Variants in WDR7 observed in about 807,000 individuals in gnomAD.
WDR7 encodes WD repeat-containing protein 7.
Under a neutral mutation model 169.4 loss-of-function variants are expected in WDR7, and 46 were observed. The ratio of observed to expected loss-of-function variants is 0.27; its 90% CI spans 0.21 to 0.35. The LOEUF (loss-of-function observed/expected upper bound fraction) is 0.35. Ranked by LOEUF, WDR7 falls within the 10% of genes least tolerant of loss-of-function variation. The pLI is 1.00. For synonymous variants in WDR7, 612 were observed against 666.8 expected (o/e 0.92, Z 1.27); for missense variants, 1,534 against 1,859.3 (o/e 0.83, Z 3.22).
intron 25 of WDR7, among the ~76,000 whole-genome samples, chr18:56,955,607 C>G (rs1338131762): frequency 1.3e-5 from 2 of 152,026 alleles, no homozygotes; most frequent in African/African-American, 4.8e-5. Flanking sequence ...AGCAAATTAA[C>G]TACATCTTAT....
intron 20 of WDR7, among the ~76,000 whole-genome samples, chr18:56,855,019 A>G (rs1002658577): frequency 6.6e-6 from 1 of 152,204 alleles, no homozygotes; most frequent in African/African-American, 2.4e-5. Context: ...GGGTATGCAA[A>G]TGATTAACTT....
intron 26 of WDR7, among the ~76,000 whole-genome samples, chr18:56,965,373 T>C (rs2047394400): frequency 6.6e-6 from 1 of 151,858 alleles, no homozygotes; most frequent in South Asian, 2.1e-4. Context: ...CATTGTGAGA[T>C]TGGTTGGTAA....
At chr18:57,017,892 C>T (rs2048229531) in intron 26 of WDR7, among the ~76,000 whole-genome samples, 1 of 152,134 alleles carries the variant, frequency 6.6e-6, no homozygotes, top group Admixed American at 6.5e-5. Context: ...TAGAAGTACC[C>T]TTCACGTGGA....
chr18:56,706,618 A>C (rs2025961171), intron 12 of WDR7, among the ~76,000 whole-genome samples: 2 of 152,204 alleles, frequency 1.3e-5, no homozygotes, highest in African/African-American at 2.4e-5. Flanking sequence ...TGGATGATAA[A>C]TGCCTAAATC....
intron 16 of WDR7, among the ~76,000 whole-genome samples, chr18:56,774,148 C>T (rs565712398): frequency 2.6e-4 from 39 of 151,980 alleles, no homozygotes; most frequent in South Asian, 6.3e-4. Context: ...ATGGAGCACC[C>T]GAAGTATGTT....
At chr18:56,662,069 T>C (rs531967256) in intron 1 of WDR7, among the ~76,000 whole-genome samples, 2 of 152,370 alleles carry the variant, frequency 1.3e-5, no homozygotes, top group South Asian at 4.1e-4. Context: ...GTTTAGGGTT[T>C]AGTACTTGCT....
chr18:56,740,728 T>C (rs1248812344), intron 14 of WDR7, among the ~76,000 whole-genome samples: 1 of 152,154 alleles, frequency 6.6e-6, no homozygotes, highest in Middle Eastern at 3.2e-3. Flanking sequence ...GAGTCCTGAA[T>C]CCTACTTCTT....
intron 21 of WDR7, among the ~76,000 whole-genome samples, chr18:56,887,476 G>A (rs983304287): frequency 3.3e-5 from 5 of 152,138 alleles, no homozygotes; most frequent in African/African-American, 1.2e-4. Context: ...GCGATTTTGG[G>A]AAGTTTCTAG....
chr18:56,928,303 A>G (rs2046834729), intron 22 of WDR7, among the ~76,000 whole-genome samples: 1 of 151,950 alleles, frequency 6.6e-6, no homozygotes, highest in South Asian at 2.1e-4. Context: ...GTCTCTACAA[A>G]CAAAAATAAT....
At chr18:56,900,185 ATAGAG>A (rs1338361415) in intron 21 of WDR7, among the ~76,000 whole-genome samples, 1 of 151,576 alleles carries the variant, frequency 6.6e-6, no homozygotes, top group Non-Finnish European at 1.5e-5. Context: ...CTTGTCATCT[ATAGAG>A]TAGACGGGCT....
At chr18:57,003,140 G>A (rs1219228014) in intron 26 of WDR7, among the ~76,000 whole-genome samples, 1 of 152,100 alleles carries the variant, frequency 6.6e-6, no homozygotes, top group Non-Finnish European at 1.5e-5. Context: ...AGATGCATTA[G>A]TATAGATTTA....
intron 12 of WDR7, among the ~76,000 whole-genome samples, chr18:56,698,469 G>GCA: frequency 6.6e-6 from 1 of 151,948 alleles, no homozygotes; most frequent in Non-Finnish European, 1.5e-5. Context: ...AGCTGGGCAT[G>GCA]GTGGCAGGCG....
intron 21 of WDR7, among the ~76,000 whole-genome samples, chr18:56,901,416 G>C (rs2046399950): frequency 6.6e-6 from 1 of 152,032 alleles, no homozygotes. Flanking sequence ...TTGAAAACCA[G>C]GCCATGCCTC....
At chr18:56,936,125 C>T in intron 23 of WDR7, 2 of 463,818 alleles carry the variant, frequency 4.3e-6, no homozygotes, top group Non-Finnish European at 7.5e-6. Context: ...CATTTCTGTT[C>T]TCAAAGTTAA....
intron 19 of WDR7, among the ~76,000 whole-genome samples, chr18:56,807,987 C>A (rs754888142): frequency 4.3e-4 from 65 of 152,266 alleles, no homozygotes; most frequent in Non-Finnish European, 7.2e-4. Context: ...GATACTGTGT[C>A]TTTAATGGAA....
At chr18:56,966,347 A>G (rs2145786428) in intron 26 of WDR7, among the ~76,000 whole-genome samples, 1 of 152,026 alleles carries the variant, frequency 6.6e-6, no homozygotes, top group South Asian at 2.1e-4. Flanking sequence ...CACCCCTGAG[A>G]CAGCAAGACC....
At chr18:56,672,763 C>A in intron 2 of WDR7, 89 bp downstream of exon 2, 3 of 1,245,396 alleles carry the variant, frequency 2.4e-6, no homozygotes, top group Admixed American at 3.3e-5. Context: ...GCTTTTGGGC[C>A]CACAGTAGAT....
chr18:56,868,656 T>A lies in WDR7; in HGVS notation c.3305-11288T>A, dbSNP rs560751168. 2.2e-3 allele frequency among the ~76,000 whole-genome samples: 332 copies of A among 152,252 alleles called. 3 individuals carry two copies. The highest frequency in any genetic ancestry group is 7.7e-3 in the African/African-American group (321 of 41,574). ...TAAGTAGTAACTGTATGAGAAAATATCTGAGAATGATATGCTGTGTTTTCA... is the reference window on the plus strand; with the variant it reads ...TAAGTAGTAACTGTATGAGAAAATAACTGAGAATGATATGCTGTGTTTTCA... On this transcript the variant is annotated intron_variant, in intron 20 of 27. Coordinates refer to ENST00000254442, the MANE Select transcript of WDR7 (RefSeq NM_015285.3).
At chr18:56,747,195 GA>G (rs558568157) in intron 14 of WDR7, among the ~76,000 whole-genome samples, 70 of 152,304 alleles carry the variant, frequency 4.6e-4, no homozygotes, top group Admixed American at 7.8e-4. Context: ...AAACATGGAG[GA>G]AGTGGTGGGC....
Sources: allele counts gnomAD v4.1 joint callset (sites outside exome capture counted in the v4.1 genomes callset), GRCh38; gene constraint gnomAD v4.1.1; transcripts MANE v1.5; gene names NCBI Gene and HGNC (gene_info 2026-07-23, HGNC 2026-07-21).